Variants in PCDHAC2 observed in about 807,000 individuals in gnomAD.
PCDHAC2 encodes protocadherin alpha-C2.
Under a neutral mutation model 63.3 loss-of-function variants are expected in PCDHAC2, and 24 were observed. The ratio of observed to expected loss-of-function variants is 0.38; its 90% CI spans 0.27 to 0.53. The LOEUF (loss-of-function observed/expected upper bound fraction) is 0.53, where lower values mean the gene tolerates loss of function less well. Ranked by LOEUF, PCDHAC2 falls within the 20% of genes least tolerant of loss-of-function variation. The pLI is 0.81. For synonymous variants in PCDHAC2, 569 were observed against 529.4 expected (o/e 1.07, Z -1.03); for missense variants, 1,181 against 1,275.2 (o/e 0.93, Z 1.12).
chr5:141,002,679 G>A (rs1554258764), intron 3 of PCDHAC2, among the ~76,000 whole-genome samples: 1 of 152,134 alleles, frequency 6.6e-6, no homozygotes, highest in Non-Finnish European at 1.5e-5. Context: ...AAACCTATAC[G>A]ACGTGCAGAT....
In PCDHAC2 at chr5:140,968,036, A is replaced by G. The variant is rs1554230231; in HGVS notation, c.1270A>G (p.Ser424Gly). ...GFGNSYTLVV[S>G]GPLDRERVAV... is the part of the protein sequence containing the mutation. ...TGGAAACTCCTATACACTGGTGGTG[A>G]GCGGCCCACTGGACCGAGAGCGGGT... Residue 424 changes from serine (S) to glycine (G), a missense_variant, in exon 1 of 4, where the codon AGC becomes GGC. Ser to Gly is a moderately conservative substitution (Grantham distance 56). Transcript: ENST00000289269. 6.2e-7 allele frequency: 1 copy of G among 1,614,042 alleles called. No individual in the cohort carries two copies. Among genetic ancestry groups the G allele is most frequent in the African/African-American group, 1.3e-5 (1 of 74,924 alleles).
intron 3 of PCDHAC2, among the ~76,000 whole-genome samples, chr5:140,985,438 C>T (rs1438547429): frequency 2.0e-5 from 3 of 152,038 alleles, no homozygotes; most frequent in Non-Finnish European, 2.9e-5. Flanking sequence ...TTAGTTGCTG[C>T]CTGAAGAAAA....
At chr5:140,975,779 A>G (rs1439511378) in intron 1 of PCDHAC2, among the ~76,000 whole-genome samples, 1 of 152,118 alleles carries the variant, frequency 6.6e-6, no homozygotes, top group Non-Finnish European at 1.5e-5. Context: ...TAATACCATT[A>G]CAAGATAAAT....
chr5:140,987,001 G>T (rs2097221434), intron 3 of PCDHAC2, among the ~76,000 whole-genome samples: 1 of 152,038 alleles, frequency 6.6e-6, no homozygotes. Context: ...ATCACTTGAG[G>T]TCATGAGTTC....
chr5:140,992,017 C>CTGTGTGTG (rs10602499), intron 3 of PCDHAC2, among the ~76,000 whole-genome samples: 149 of 145,626 alleles, frequency 1.0e-3, no homozygotes, highest in African/African-American at 2.4e-3. Flanking sequence ...AGAGGTGGCT[C>CTGTGTGTG]TGTGTGTGTG....
chr5:140,987,266 C>T (rs2097244603), intron 3 of PCDHAC2, among the ~76,000 whole-genome samples: 1 of 151,752 alleles, frequency 6.6e-6, no homozygotes, highest in African/African-American at 2.4e-5. Context: ...AGGAATGGGA[C>T]CCGGCAGTCT....
At position 140,993,462 on chromosome 5, in the gene PCDHAC2, T is replaced by TCACACACACA. The variant is rs3836747; in HGVS notation, c.2713+10937_2713+10946dup. On this transcript the variant is annotated intron_variant, in intron 3 of 3. Coordinates refer to ENST00000289269, the MANE Select transcript of PCDHAC2 (RefSeq NM_018899.6). Reference sequence around the variant, plus strand: ...CATTCCTGTTCTCCTTCTTTCTTTCTCACACACACACACACACACACACAC... The same window carrying TCACACACACA: ...CATTCCTGTTCTCCTTCTTTCTTTCTCACACACACACACACACACACACACACACACACAC... Among the ~76,000 whole-genome samples, 267 of 141,038 alleles carry TCACACACACA rather than the reference T, an allele frequency of 1.9e-3. 2 individuals are homozygous for TCACACACACA. The highest frequency in any genetic ancestry group is 2.7e-3 in the Non-Finnish European group (175 of 64,694). The allele number at this position is 141,038 out of a possible 152,430, so 92.5% of individuals were successfully genotyped here.
At chr5:140,969,661 G>A (rs2096351521) in intron 1 of PCDHAC2, among the ~76,000 whole-genome samples, 2 of 152,166 alleles carry the variant, frequency 1.3e-5, no homozygotes, top group Non-Finnish European at 2.9e-5. Context: ...GTTTTAGGGA[G>A]TAATGTTATG....
intron 3 of PCDHAC2, among the ~76,000 whole-genome samples, chr5:140,993,470 ACAC>A: frequency 8.7e-6 from 1 of 115,268 alleles, no homozygotes; most frequent in South Asian, 2.9e-4. Context: ...TCTCACACAC[ACAC>A]ACACACACAC....
chr5:140,987,096 C>T (rs1266691790), intron 3 of PCDHAC2, among the ~76,000 whole-genome samples: 3 of 151,912 alleles, frequency 2.0e-5, no homozygotes, highest in African/African-American at 7.3e-5. Context: ...TGCCTGTAAT[C>T]CCAGCTACTC....
rs1359152136 is a variant in PCDHAC2, at chr5:140,969,072, C to T, written c.2306C>T (p.Pro769Leu). 2.1e-5 allele frequency: 34 copies of T among 1,613,982 alleles called. No individual in the cohort carries two copies. The highest frequency in any genetic ancestry group is 5.0e-5 in the Admixed American group (3 of 59,998). Residue 769 changes from proline to leucine, a missense_variant, in exon 1 of 4, where the codon CCG becomes CTG. By Grantham distance (98) the Pro-to-Leu change is moderately conservative. Transcript: ENST00000289269. Reference protein sequence around the residue: ...QANNNIDARIPHGLKVQPHFI... With the variant: ...QANNNIDARILHGLKVQPHFI... ...AACAACAATATTGATGCCAGGATACCGCATGGCCTCAAAGTGCAGCCTCAC... is the reference window on the plus strand; with the variant it reads ...AACAACAATATTGATGCCAGGATACTGCATGGCCTCAAAGTGCAGCCTCAC...
At chr5:140,980,852 T>G (rs1233523507) in intron 2 of PCDHAC2, among the ~76,000 whole-genome samples, 5 of 152,184 alleles carry the variant, frequency 3.3e-5, no homozygotes, top group African/African-American at 1.2e-4. Flanking sequence ...TACTAATCTT[T>G]TTCGTATGTG....
intron 3 of PCDHAC2, among the ~76,000 whole-genome samples, chr5:140,989,611 A>G (rs2097350612): frequency 6.6e-6 from 1 of 152,232 alleles, no homozygotes. Flanking sequence ...ACTAAAAATG[A>G]AAGTCTGTCC....
At chr5:141,001,794 T>C (rs2098037139) in intron 3 of PCDHAC2, among the ~76,000 whole-genome samples, 1 of 152,184 alleles carries the variant, frequency 6.6e-6, no homozygotes, top group Non-Finnish European at 1.5e-5. Flanking sequence ...CCTGAGTATA[T>C]ACTATCATTC....
intron 3 of PCDHAC2, among the ~76,000 whole-genome samples, chr5:140,984,583 T>C (rs2097109355): frequency 6.6e-6 from 1 of 152,200 alleles, no homozygotes; most frequent in South Asian, 2.1e-4. Context: ...AACCTAATCA[T>C]ACTTTTCAAT....
At chr5:141,006,951 T>TA (rs1428990680) in intron 3 of PCDHAC2, among the ~76,000 whole-genome samples, 1 of 152,164 alleles carries the variant, frequency 6.6e-6, no homozygotes, top group Non-Finnish European at 1.5e-5. Context: ...GATAGGCAGT[T>TA]ATACATGAGA....
intron 3 of PCDHAC2, among the ~76,000 whole-genome samples, chr5:140,997,836 A>G (rs1335199291): frequency 3.3e-5 from 5 of 152,222 alleles, no homozygotes; most frequent in South Asian, 4.1e-4. Flanking sequence ...AAACAATACA[A>G]TATACATTCT....
intron 2 of PCDHAC2, chr5:140,982,217 C>T (rs1257918481): frequency 3.9e-6 from 2 of 507,664 alleles, no homozygotes; most frequent in Non-Finnish European, 6.2e-6. Context: ...CGCCACATGG[C>T]GTTAATAAAA....
chr5:140,968,321 A>G lies in PCDHAC2; in HGVS notation c.1555A>G (p.Thr519Ala). The stretch of plus-strand genomic sequence containing the variant: ...GAGGGAGATTCAAGGGCTGCCAGTC[A>G]CCTCCTATGTCTCCATTAACAGTGC... ...LEREIQGLPV[T>A]SYVSINSASG... The change falls in exon 1 of 4, where the codon ACC becomes GCC. Residue 519 changes from threonine (T) to alanine (A), a missense_variant. Around this residue, in one of 3 missense-constraint regions of PCDHAC2, gnomAD observed 968 missense variants for 1,073.5 expected, o/e 0.90. Coordinates refer to ENST00000289269, the MANE Select transcript of PCDHAC2 (RefSeq NM_018899.6). The G allele has an allele frequency of 6.2e-7, 1 of 1,613,834 alleles. No homozygotes were observed. The highest frequency in any genetic ancestry group is 8.5e-7 in the Non-Finnish European group (1 of 1,179,864).
Sources: allele counts gnomAD v4.1 joint callset (sites outside exome capture counted in the v4.1 genomes callset), GRCh38; gene constraint gnomAD v4.1.1; regional missense constraint gnomAD v4.1.1; transcripts MANE v1.5; gene names NCBI Gene and HGNC (gene_info 2026-07-23, HGNC 2026-07-21).